Variants in FBXL20 observed in about 807,000 individuals in gnomAD.
FBXL20 encodes the protein F-box/LRR-repeat protein 20.
In FBXL20, 11 loss-of-function variants were observed where a neutral mutation model predicts 64.0. The ratio of observed to expected loss-of-function variants is 0.17; its 90% CI spans 0.11 to 0.28. The LOEUF is 0.28. Among genes scored for constraint, FBXL20 ranks in the 10% least tolerant of loss-of-function variants. The probability of loss-of-function intolerance (pLI) is 1.00; values close to 1 mark genes in which losing one functional copy is unlikely to be tolerated. For synonymous variants in FBXL20, 184 were observed against 189.0 expected (o/e 0.97, Z 0.22); for missense variants, 303 against 526.2 (o/e 0.58, Z 4.15).
intron 1 of FBXL20, among the ~76,000 whole-genome samples, chr17:39,349,576 G>C (rs1172830178): frequency 6.7e-6 from 1 of 150,262 alleles, no homozygotes; most frequent in Non-Finnish European, 1.5e-5. Context: ...AAAACAGTGA[G>C]ACCCCACCTC....
intron 1 of FBXL20, among the ~76,000 whole-genome samples, chr17:39,379,287 G>C (rs2144651284): frequency 6.6e-6 from 1 of 151,752 alleles, no homozygotes; most frequent in East Asian, 1.9e-4. Context: ...GCAGGATATG[G>C]AGAAACTTGA....
chr17:39,343,508 G>C (rs555922041), intron 1 of FBXL20, among the ~76,000 whole-genome samples: 1 of 152,206 alleles, frequency 6.6e-6, no homozygotes, highest in African/African-American at 2.4e-5. Flanking sequence ...CATATTAATG[G>C]TTTTAATCTT....
intron 1 of FBXL20, among the ~76,000 whole-genome samples, chr17:39,399,185 A>G (rs1184470973): frequency 4.0e-5 from 6 of 149,328 alleles, no homozygotes; most frequent in Non-Finnish European, 8.8e-5. Flanking sequence ...TATGTGATAT[A>G]AAGATTTCAT....
In FBXL20 at chr17:39,269,312, GCCT is replaced by G. The variant is rs555602214; in HGVS notation, c.889-444_889-442del. ...GGGTTCACGCCATTCTCCTGCCTCA[GCCT>G]CCTGAGTAGCTGGGACTACAGGCGC... On this transcript the variant is annotated intron_variant, in intron 11 of 14. Transcript: ENST00000264658. 7.0e-3 allele frequency among the ~76,000 whole-genome samples: 1,065 copies of G among 152,062 alleles called. 13 individuals carry two copies. Among genetic ancestry groups the G allele is most frequent in the African/African-American group, 0.025 (1,024 of 41,454 alleles).
At chr17:39,358,307 T>C (rs1386894705) in intron 1 of FBXL20, among the ~76,000 whole-genome samples, 3 of 152,228 alleles carry the variant, frequency 2.0e-5, no homozygotes, top group Non-Finnish European at 2.9e-5. Flanking sequence ...ATTTAAATAC[T>C]AACCTCTTCC....
Position 39,378,430 on chromosome 17 carries a change from C to T in FBXL20, c.42+22931G>A, listed in dbSNP as rs182694180. ...GATCAGTCTGAGCAACAGAGCAAAA[C>T]CCCATCTCTTGAAAATATAAATAAA... On this transcript the variant is annotated intron_variant, in intron 1 of 14. Coordinates refer to ENST00000264658, the MANE Select transcript of FBXL20 (RefSeq NM_032875.3). Among the ~76,000 whole-genome samples, 21 of 152,212 alleles carry T rather than the reference C, an allele frequency of 1.4e-4. No homozygotes were observed. In the Middle Eastern group the frequency reaches 0.01, roughly 74 times the overall value.
intron 9 of FBXL20, among the ~76,000 whole-genome samples, chr17:39,278,875 C>T (rs979624384): frequency 7.4e-5 from 11 of 149,614 alleles, no homozygotes; most frequent in African/African-American, 2.4e-4. Flanking sequence ...AAATCATGGC[C>T]GGGTGCAGTG....
At chr17:39,376,671 G>A (rs1220540333) in intron 1 of FBXL20, among the ~76,000 whole-genome samples, 1 of 152,142 alleles carries the variant, frequency 6.6e-6, no homozygotes, top group East Asian at 1.9e-4. Flanking sequence ...TGCGGTTCTA[G>A]GTATTAAGAA....
chr17:39,339,981 C>T (rs555082861), intron 2 of FBXL20, among the ~76,000 whole-genome samples: 137 of 151,816 alleles, frequency 9.0e-4, no homozygotes, highest in African/African-American at 3.1e-3. Context: ...CTTTGTCGCC[C>T]AGGCTGAAGC....
chr17:39,293,339 A>G (rs528338950), intron 6 of FBXL20, among the ~76,000 whole-genome samples: 1 of 151,514 alleles, frequency 6.6e-6, no homozygotes, highest in South Asian at 2.1e-4. Flanking sequence ...CTTCTGCCTC[A>G]GCCTTCCAAG....
chr17:39,323,482 GA>G (rs1241795417), intron 2 of FBXL20, among the ~76,000 whole-genome samples: 2 of 152,140 alleles, frequency 1.3e-5, no homozygotes, highest in Non-Finnish European at 2.9e-5. Flanking sequence ...AGGTGCTATT[GA>G]AAGTAATGAA....
At chr17:39,333,671 C>G (rs1351170956) in intron 2 of FBXL20, among the ~76,000 whole-genome samples, 2 of 152,068 alleles carry the variant, frequency 1.3e-5, no homozygotes, top group Non-Finnish European at 2.9e-5. Context: ...AGCGCCTCTT[C>G]CCGGCCGTCA....
At chr17:39,283,590 T>C (rs1408139595) in intron 7 of FBXL20, among the ~76,000 whole-genome samples, 4 of 152,142 alleles carry the variant, frequency 2.6e-5, no homozygotes, top group African/African-American at 9.6e-5. Context: ...TTTGGATTTT[T>C]GAAACGGGGA....
intron 6 of FBXL20, among the ~76,000 whole-genome samples, chr17:39,289,874 C>CTAT (rs1223825610): frequency 6.6e-6 from 1 of 151,696 alleles, no homozygotes; most frequent in East Asian, 1.9e-4. Flanking sequence ...TGGCAAGTGC[C>CTAT]TGTAATCCCA....
intron 2 of FBXL20, among the ~76,000 whole-genome samples, chr17:39,338,965 G>C (rs2047555490): frequency 6.6e-6 from 1 of 151,980 alleles, no homozygotes. Flanking sequence ...TCAGGAGTTT[G>C]AGCCCAGCCT....
Position 39,401,441 on chromosome 17 carries a change from A to C in FBXL20, c.-39T>G, listed in dbSNP as rs1381718041. ...GCGGCCCGGGCCGGGCGCTGCGGCG[A>C]GCGGAGTGCACAGACCGGGGGCCCA... On this transcript the variant is annotated 5_prime_UTR_variant, in exon 1 of 15. Coordinates refer to ENST00000264658, the MANE Select transcript of FBXL20 (RefSeq NM_032875.3). 1.3e-6 allele frequency: 2 copies of C among 1,565,496 alleles called. No homozygotes were observed. Among genetic ancestry groups the C allele is most frequent in the Non-Finnish European group, 1.7e-6 (2 of 1,157,280 alleles).
At position 39,370,477 on chromosome 17, in the gene FBXL20, T is replaced by A. The variant is rs77890063; in HGVS notation, c.43-27236A>T. Among the ~76,000 whole-genome samples, 669 of 127,088 alleles carry A rather than the reference T, an allele frequency of 5.3e-3. 17 individuals are homozygous for A. Among genetic ancestry groups the A allele is most frequent in the Admixed American group, 0.043 (506 of 11,652 alleles). The allele number at this position is 127,088 out of a possible 152,430, so 83.4% of individuals were successfully genotyped here. A position where few individuals can be genotyped will look rare whatever the true frequency, so the allele number is the denominator to read the frequency against. On this transcript the variant is annotated intron_variant, in intron 1 of 14. Transcript: ENST00000264658. ...TACATTCCAGCCTGAGTGGACAGAG[T>A]GAGACACCATCTCAAAAAAAAAAAG...
intron 1 of FBXL20, among the ~76,000 whole-genome samples, chr17:39,356,152 T>C (rs1251612455): frequency 6.7e-6 from 1 of 148,222 alleles, no homozygotes; most frequent in East Asian, 2.0e-4. Context: ...GAGGCAGAGG[T>C]TGCAGTGAGC....
intron 6 of FBXL20, among the ~76,000 whole-genome samples, chr17:39,292,426 A>G (rs1404894236): frequency 2.1e-5 from 3 of 141,764 alleles, no homozygotes; most frequent in Admixed American, 6.8e-5. Context: ...TAGGTTGCCC[A>G]GGCTTGAGTG....
Sources: allele counts gnomAD v4.1 joint callset (sites outside exome capture counted in the v4.1 genomes callset), GRCh38; gene constraint gnomAD v4.1.1; transcripts MANE v1.5; gene names NCBI Gene and HGNC (gene_info 2026-07-23, HGNC 2026-07-21).